NOS3: variants seen among roughly 807,000 people sequenced by gnomAD.
NOS3 encodes the protein NOS type III.
A neutral mutation model predicts 144.9 loss-of-function variants in NOS3; 98 were observed. That is an observed-to-expected ratio of 0.68 (90% CI 0.57 to 0.80). The LOEUF is 0.80. Among genes scored for constraint, NOS3 ranks in the 30% least tolerant of loss-of-function variants. The probability of loss-of-function intolerance (pLI) is 0.00; values close to 1 mark genes in which losing one functional copy is unlikely to be tolerated. For synonymous variants in NOS3, 714 were observed against 702.4 expected (o/e 1.02, Z -0.26); for missense variants, 1,465 against 1,656.4 (o/e 0.88, Z 2.01).
Position 151,010,574 on chromosome 7 carries a change from C to T in NOS3, c.2686-23C>T, listed in dbSNP as rs1399221703. ...CTAGGAAGGGCTATGGGGCCTCCAA[C>T]CCACTGCATCCTGCCCCGCCAGGAT... On this transcript the variant is annotated intron_variant, in intron 21 of 26. Transcript: ENST00000297494. The T allele has an allele frequency of 2.6e-6, 4 of 1,540,816 alleles. No homozygotes were observed. The Admixed American group carries it at 7.7e-5, about 30-fold the overall frequency.
At chr7:150,996,740 C>A (rs1802434626) in intron 4 of NOS3, 23 bp from the exon 5 acceptor site, 2 of 1,609,724 alleles carry the variant, frequency 1.2e-6, no homozygotes, top group African/African-American at 2.7e-5. Context: ...TGCTTGTCCC[C>A]TTCCCACCCC....
rs1488157449 is a variant in NOS3, at chr7:151,010,985, G to A, written c.2983G>A (p.Gly995Arg). Residue 995 changes from glycine to arginine, a missense_variant and splice_region_variant, in exon 23 of 27, where the codon GGG becomes AGG. Physicochemically the swap from Gly to Arg is moderately radical, Grantham distance 125. Around this residue, in one of 5 missense-constraint regions of NOS3, gnomAD observed 106 missense variants for 167.7 expected, o/e 0.63. Transcript: ENST00000297494. ...PGDPVPCFIR[G>R]APSFRLPPDP... ...AGACCCTGTGCCCTGCTTCATCCGG[G>A]GGTAAGTGAGATGGAAGACTTGGTG... The A allele has an allele frequency of 6.2e-7, 1 of 1,611,954 alleles. No individual in the cohort carries two copies. The highest frequency in any genetic ancestry group is 1.3e-5 in the African/African-American group (1 of 74,880).
At position 151,001,324 on chromosome 7, in the gene NOS3, G is replaced by A; in HGVS notation, c.1327G>A (p.Ala443Thr). ...GCAGAAGGCCAGGGGGGGCTGCCCT[G>A]CAGACTGGGCCTGGATCGTGCCCCC... ...NEQKARGGCP[A>T]DWAWIVPPIS... The change falls in exon 11 of 27, where the codon GCA (alanine) becomes ACA (threonine). Residue 443 changes from alanine to threonine, a missense_variant. Transcript: ENST00000297494. 5 of 1,613,702 alleles carry A rather than the reference G, an allele frequency of 3.1e-6. No homozygotes were observed. Among genetic ancestry groups the A allele is most frequent in the Non-Finnish European group, 3.4e-6 (4 of 1,179,922 alleles).
rs1425638533 is a variant in NOS3, at chr7:151,004,905, T to A, written c.1753-1522T>A. On this transcript the variant is annotated intron_variant, in intron 14 of 26. Transcript: ENST00000297494. ...TGGAGTCTCACTCTGTTGCCCAGGC[T>A]GGAGTGCAATGGCGTGATCTCGGCT... Among the ~76,000 whole-genome samples the A allele has an allele frequency of 2.0e-5, 3 of 152,236 alleles. No individual in the cohort carries two copies. The East Asian group carries it at 5.8e-4, about 29-fold the overall frequency.
At chr7:150,992,362 C>G (rs895899352) in intron 1 of NOS3, among the ~76,000 whole-genome samples, 45 of 152,272 alleles carry the variant, frequency 3.0e-4, no homozygotes, top group African/African-American at 1.0e-3. Flanking sequence ...GGGGCTGGAT[C>G]CCATCCCCTG....
chr7:150,996,944 T>C lies in NOS3; in HGVS notation c.582+19T>C, dbSNP rs370178350. 2.1e-4 allele frequency: 324 copies of C among 1,549,106 alleles called. No homozygotes were observed. Among genetic ancestry groups the C allele is most frequent in the Non-Finnish European group, 2.7e-4 (309 of 1,147,272 alleles). On this transcript the variant is annotated intron_variant, in intron 5 of 26. Coordinates refer to ENST00000297494, the MANE Select transcript of NOS3 (RefSeq NM_000603.5). ...GCTGCAGGTGCGGCTGGCCAGCGAC[T>C]GAGAGACCCGGGCGCTACCAAAAGG... is the stretch of plus-strand genomic sequence containing the variant.
In NOS3 at chr7:150,999,282, C is replaced by T. The variant is rs1228598346; in HGVS notation, c.1049C>T (p.Ala350Val). The stretch of plus-strand genomic sequence containing the variant: ...GAAATTGGGGGCCTGGAGTTCCCCG[C>T]AGCCCCCTTCAGTGGCTGGTACATG... Reference protein sequence around the residue: ...LLEIGGLEFPAAPFSGWYMST... With the variant: ...LLEIGGLEFPVAPFSGWYMST... The change falls in exon 9 of 27, where the codon GCA becomes GTA. Residue 350 changes from alanine (A) to valine (V), a missense_variant. By Grantham distance (64) the Ala-to-Val change is moderately conservative. Coordinates refer to ENST00000297494, the MANE Select transcript of NOS3 (RefSeq NM_000603.5). 1 of 1,611,982 alleles carries T rather than the reference C, an allele frequency of 6.2e-7. No individual in the cohort carries two copies. Among genetic ancestry groups the T allele is most frequent in the Non-Finnish European group, 8.5e-7 (1 of 1,179,696 alleles).
At position 150,996,542 on chromosome 7, in the gene NOS3, TC is replaced by T. The variant is rs1340873352; in HGVS notation, c.411del (p.Ile138LeufsTer221). On this transcript the variant is annotated frameshift_variant, in exon 4 of 27. Coordinates refer to ENST00000297494, the MANE Select transcript of NOS3 (RefSeq NM_000603.5). LOFTEE classifies it high-confidence loss of function. ...GGACTTCATCAACCAGTACTACAGCTCCATTAAGAGGTGACAGCTTCCCGGA... is the reference window on the plus strand; with the variant it reads ...GGACTTCATCAACCAGTACTACAGCTCATTAAGAGGTGACAGCTTCCCGGA... ...ARDFINQYYSSIKRSGSQAHE... is the reference protein window; with the variant it reads ...ARDFINQYYSXIKRSGSQAHE... The T allele has an allele frequency of 6.3e-7, 1 of 1,598,146 alleles. No individual in the cohort carries two copies.
Position 151,014,419 on chromosome 7 carries a change from A to T in NOS3, c.*250A>T. ...TCCCAGCAGCGGTACCCCAGGGCCT[A>T]CTGCCACCCGCTTCCTGTTTCTTAG... On this transcript the variant is annotated 3_prime_UTR_variant, in exon 27 of 27. Coordinates refer to ENST00000297494, the MANE Select transcript of NOS3 (RefSeq NM_000603.5). The T allele has an allele frequency of 2.1e-6, 1 of 477,038 alleles. No individual in the cohort carries two copies. The highest frequency in any genetic ancestry group is 4.0e-5 in the South Asian group (1 of 24,832). The allele number at this position is 477,038 out of a possible 1,614,324, so 29.6% of individuals were successfully genotyped here. A position where few individuals can be genotyped will look rare whatever the true frequency, so the allele number is the denominator to read the frequency against.
At chr7:151,013,060 C>T in intron 24 of NOS3, 171 bp from the exon 25 acceptor site, 1 of 710,388 alleles carries the variant, frequency 1.4e-6, no homozygotes, top group Non-Finnish European at 2.3e-6. Flanking sequence ...CAGGGCTGTG[C>T]AGGGTCTCTG....
rs756826613 is a variant in NOS3 at position 151,010,961 on chromosome 7, G to A, written c.2959G>A (p.Asp987Asn). Reference protein sequence around the residue: ...STWLSQLKPGDPVPCFIRGAP... With the variant: ...STWLSQLKPGNPVPCFIRGAP... The stretch of plus-strand genomic sequence containing the variant: ...GTGGCTAAGCCAGCTCAAGCCCGGA[G>A]ACCCTGTGCCCTGCTTCATCCGGGG... Residue 987 changes from aspartate to asparagine, a missense_variant, in exon 23 of 27, where the codon GAC becomes AAC. Asp to Asn is a conservative substitution (Grantham distance 23). Coordinates refer to ENST00000297494, the MANE Select transcript of NOS3 (RefSeq NM_000603.5). 1 of 1,613,842 alleles carries A rather than the reference G, an allele frequency of 6.2e-7. No homozygotes were observed. Among genetic ancestry groups the A allele is most frequent in the South Asian group, 1.1e-5 (1 of 91,012 alleles).
At chr7:150,991,745 C>T (rs1802258418) in intron 1 of NOS3, among the ~76,000 whole-genome samples, 3 of 152,158 alleles carry the variant, frequency 2.0e-5, no homozygotes, top group Admixed American at 2.0e-4. Context: ...CCTGGAATCC[C>T]AGCCCATTGG....
At chr7:151,000,077 T>C (rs1443201318) in intron 9 of NOS3, among the ~76,000 whole-genome samples, 1 of 137,778 alleles carries the variant, frequency 7.3e-6, no homozygotes. Context: ...AAATTGTGGG[T>C]TTGTGGGGGT....
intron 23 of NOS3, chr7:151,011,812 CCG>C (rs959061729): frequency 9.0e-6 from 4 of 442,232 alleles, no homozygotes; most frequent in African/African-American, 6.1e-5. Flanking sequence ...GTGTGAGCCA[CCG>C]CGCCCGGACC....
rs777130244 is a variant in NOS3, at chr7:150,995,283, C to T, written c.239C>T (p.Thr80Ile). ...AAGAACTGGGAGGTGGGGAGCATCA[C>T]CTATGACACCCTCAGCGCCCAGGCG... ...RVKNWEVGSI[T>I]YDTLSAQAQQ... Residue 80 changes from threonine (T) to isoleucine (I), a missense_variant, in exon 3 of 27, where the codon ACC (threonine) becomes ATC (isoleucine). Coordinates refer to ENST00000297494, the MANE Select transcript of NOS3 (RefSeq NM_000603.5). 2.5e-6 allele frequency: 4 copies of T among 1,611,374 alleles called. No individual in the cohort carries two copies. The highest frequency in any genetic ancestry group is 2.5e-6 in the Non-Finnish European group (3 of 1,178,934).
chr7:151,008,320 A>G (rs1442679889), intron 17 of NOS3, among the ~76,000 whole-genome samples: 5 of 152,180 alleles, frequency 3.3e-5, no homozygotes, highest in Non-Finnish European at 7.4e-5. Context: ...GGCTCAGCCA[A>G]TCACGGGTGA....
intron 21 of NOS3, 87 bp from the exon 22 acceptor site, chr7:151,010,510 A>G: frequency 7.5e-7 from 1 of 1,334,706 alleles, no homozygotes. Flanking sequence ...GAGAAACCCT[A>G]AAGAGGCTCA....
Position 151,003,830 on chromosome 7 carries a change from A to G in NOS3, c.1752+1526A>G, listed in dbSNP as rs1239335935. The G allele has an allele frequency of 2.3e-6, 1 of 426,832 alleles. No homozygotes were observed. The highest frequency in any genetic ancestry group is 1.7e-5 in the South Asian group (1 of 58,796). 26.4% of individuals were successfully genotyped at this position (426,832 alleles called of 1,614,324 possible). On this transcript the variant is annotated intron_variant, in intron 14 of 26. Transcript: ENST00000297494. This position sits in a 1 kb window ranked among gnomAD's most constrained non-coding sequence, Gnocchi z 4.1. Reference sequence around the variant, plus strand: ...CTCATTCTGCTGCTGAGTGCCGTTCATTGTGTGAATATCCCCAGTTTGTTT... The same window carrying G: ...CTCATTCTGCTGCTGAGTGCCGTTCGTTGTGTGAATATCCCCAGTTTGTTT...
Position 151,002,453 on chromosome 7 carries a change from C to A in NOS3, c.1752+149C>A, listed in dbSNP as rs529794433. 1 of 495,244 alleles carries A rather than the reference C, an allele frequency of 2.0e-6. No homozygotes were observed. Among genetic ancestry groups the A allele is most frequent in the East Asian group, 3.6e-5 (1 of 27,998 alleles). 30.7% of individuals were successfully genotyped at this position (495,244 alleles called of 1,614,324 possible). A position where few individuals can be genotyped will look rare whatever the true frequency, so the allele number is the denominator to read the frequency against. On this transcript the variant is annotated intron_variant, in intron 14 of 26. Transcript: ENST00000297494. This position sits in a 1 kb window ranked among gnomAD's most constrained non-coding sequence, Gnocchi z 4.1. ...ACACACACACACACACACACACACA[C>A]GCCAGGATGGAAAGGGAGATGCTAA...
Sources: allele counts gnomAD v4.1 joint callset (sites outside exome capture counted in the v4.1 genomes callset), GRCh38; gene constraint gnomAD v4.1.1; regional missense constraint gnomAD v4.1.1; non-coding constraint Gnocchi (gnomAD v3.1); transcripts MANE v1.5; gene names NCBI Gene and HGNC (gene_info 2026-07-23, HGNC 2026-07-21).